The following KCNJ3 variants were observed in gnomAD, a reference collection of about 807,000 sequenced individuals.
KCNJ3 encodes G protein-activated inward rectifier potassium channel 1.
KCNJ3 carries 4 observed loss-of-function variants against 39.2 expected under a neutral mutation model. That is an observed-to-expected ratio of 0.10 (90% confidence interval 0.05 to 0.23). The LOEUF is 0.23. Ranked by LOEUF, KCNJ3 falls within the 10% of genes least tolerant of loss-of-function variation. The probability of loss-of-function intolerance (pLI) is 1.00; values close to 1 mark genes in which losing one functional copy is unlikely to be tolerated. For synonymous variants in KCNJ3, 230 were observed against 237.4 expected (o/e 0.97, Z 0.29); for missense variants, 276 against 634.9 (o/e 0.43, Z 6.08).
chr2:154,717,270 G>A (rs116080468), intron 2 of KCNJ3, among the ~76,000 whole-genome samples: 2,626 of 152,250 alleles, frequency 0.017, 68 homozygotes, highest in African/African-American at 0.06. Flanking sequence ...ACTGACTGGA[G>A]ATGAGCCTAG....
At chr2:154,786,260 T>C (rs929704674) in intron 2 of KCNJ3, among the ~76,000 whole-genome samples, 1 of 152,220 alleles carries the variant, frequency 6.6e-6, no homozygotes, top group Non-Finnish European at 1.5e-5. Flanking sequence ...AGTGTATTTC[T>C]AACGAAAATT....
chr2:154,824,103 G>A (rs754291732), intron 2 of KCNJ3, among the ~76,000 whole-genome samples: 13 of 152,144 alleles, frequency 8.5e-5, no homozygotes, highest in Non-Finnish European at 1.5e-4. Context: ...GGAAGGCCGA[G>A]GTGGATGGAT....
At chr2:154,839,920 T>C (rs1687546130) in intron 2 of KCNJ3, among the ~76,000 whole-genome samples, 1 of 152,228 alleles carries the variant, frequency 6.6e-6, no homozygotes, top group African/African-American at 2.4e-5. Flanking sequence ...TCTTTTGCTG[T>C]GCAGAAGCTC....
chr2:154,722,595 C>T (rs1010783666), intron 2 of KCNJ3, among the ~76,000 whole-genome samples: 6 of 152,204 alleles, frequency 3.9e-5, no homozygotes, highest in East Asian at 3.9e-4. Flanking sequence ...GGCTGGAAAA[C>T]GTAGCACTTT....
chr2:154,730,130 C>T (rs1685426632), intron 2 of KCNJ3, among the ~76,000 whole-genome samples: 1 of 152,028 alleles, frequency 6.6e-6, no homozygotes, highest in Non-Finnish European at 1.5e-5. Context: ...AATGATGCAA[C>T]TAAGGACCAA....
rs775178008 is a variant in KCNJ3 at position 154,709,594 on chromosome 2, C to G, written c.703-9C>G. ...GTGATTTCTTCTCTTTTTCTGTGTG[C>G]TTGTCTAGTCTCGGCAGACACCTGA... is the stretch of plus-strand genomic sequence containing the variant. On this transcript the variant is annotated splice_polypyrimidine_tract_variant and intron_variant, in intron 1 of 2. Coordinates refer to ENST00000295101, the MANE Select transcript of KCNJ3 (RefSeq NM_002239.4). The G allele has an allele frequency of 6.2e-7, 1 of 1,610,866 alleles. No individual in the cohort carries two copies. The highest frequency in any genetic ancestry group is 8.5e-7 in the Non-Finnish European group (1 of 1,178,218).
At chr2:154,730,904 A>T (rs1320742932) in intron 2 of KCNJ3, among the ~76,000 whole-genome samples, 1 of 152,166 alleles carries the variant, frequency 6.6e-6, no homozygotes, top group African/African-American at 2.4e-5. Flanking sequence ...TGGTGAAATA[A>T]ACCTACCAAA....
chr2:154,796,522 T>G (rs1216544186), intron 2 of KCNJ3, among the ~76,000 whole-genome samples: 1 of 152,140 alleles, frequency 6.6e-6, no homozygotes, highest in Non-Finnish European at 1.5e-5. Context: ...CAGTTGAGGA[T>G]CCTGGGTCAT....
chr2:154,828,306 A>G (rs923162227), intron 2 of KCNJ3, among the ~76,000 whole-genome samples: 1 of 152,190 alleles, frequency 6.6e-6, no homozygotes, highest in Non-Finnish European at 1.5e-5. Context: ...ACAGATATTA[A>G]AAGCTTTAGA....
intron 2 of KCNJ3, among the ~76,000 whole-genome samples, chr2:154,814,482 A>C (rs942858577): frequency 6.6e-6 from 1 of 152,060 alleles, no homozygotes; most frequent in African/African-American, 2.4e-5. Flanking sequence ...TACTAAAAAT[A>C]CAAAATTACC....
intron 2 of KCNJ3, among the ~76,000 whole-genome samples, chr2:154,745,743 T>C (rs1685729004): frequency 6.6e-6 from 1 of 152,076 alleles, no homozygotes; most frequent in African/African-American, 2.4e-5. Context: ...CTAGAGATTT[T>C]CAGTTGAAAC....
At chr2:154,820,656 C>T (rs190407374) in intron 2 of KCNJ3, among the ~76,000 whole-genome samples, 2 of 152,226 alleles carry the variant, frequency 1.3e-5, no homozygotes, top group Admixed American at 1.3e-4. Flanking sequence ...AGTTTGCAAA[C>T]CTGGCAGTTA....
Position 154,727,198 on chromosome 2 carries a change from G to C in KCNJ3, c.919+17379G>C, listed in dbSNP as rs183230705. On this transcript the variant is annotated intron_variant, in intron 2 of 2. Transcript: ENST00000295101. ...AATTTAAAAAACTTCTATTTTACTA[G>C]TTCTTAACAATACTTTTAACTTTCC... 2.3e-3 allele frequency among the ~76,000 whole-genome samples: 347 copies of C among 152,160 alleles called. 2 individuals carry two copies. The highest frequency in any genetic ancestry group is 8.0e-3 in the African/African-American group (330 of 41,508).
intron 2 of KCNJ3, among the ~76,000 whole-genome samples, chr2:154,738,506 A>G (rs1192991439): frequency 6.6e-6 from 1 of 152,046 alleles, no homozygotes; most frequent in Non-Finnish European, 1.5e-5. Flanking sequence ...ATTGAATCCT[A>G]TATCAAAACA....
intron 2 of KCNJ3, among the ~76,000 whole-genome samples, chr2:154,814,984 G>A (rs1339429498): frequency 1.3e-5 from 2 of 152,196 alleles, no homozygotes; most frequent in Non-Finnish European, 2.9e-5. Flanking sequence ...ACAACTGTAA[G>A]TAGGTAAGAC....
chr2:154,825,733 C>T (rs1687260380), intron 2 of KCNJ3, among the ~76,000 whole-genome samples: 1 of 151,612 alleles, frequency 6.6e-6, no homozygotes. Context: ...TGCGCCACCA[C>T]ACCCAGCTAA....
At chr2:154,777,388 G>A (rs1480614261) in intron 2 of KCNJ3, among the ~76,000 whole-genome samples, 2 of 152,082 alleles carry the variant, frequency 1.3e-5, no homozygotes, top group African/African-American at 4.8e-5. Flanking sequence ...CATTTATTGG[G>A]TTAGCCAGGT....
chr2:154,773,214 T>C (rs984958971), intron 2 of KCNJ3, among the ~76,000 whole-genome samples: 1 of 152,126 alleles, frequency 6.6e-6, no homozygotes, highest in African/African-American at 2.4e-5. Flanking sequence ...CTGCTTTTAA[T>C]GTGTAAGCAT....
At position 154,816,971 on chromosome 2, in the gene KCNJ3, A is replaced by G. The variant is rs145732812; in HGVS notation, c.920-37756A>G. Reference sequence around the variant, plus strand: ...CCCTGTGAGTAATTTTAAATAGTTTATGACTTTATTTTTCTTCTTCTGGCA... The same window carrying G: ...CCCTGTGAGTAATTTTAAATAGTTTGTGACTTTATTTTTCTTCTTCTGGCA... On this transcript the variant is annotated intron_variant, in intron 2 of 2. Transcript: ENST00000295101. 2.9e-3 allele frequency among the ~76,000 whole-genome samples: 447 copies of G among 152,238 alleles called. 4 individuals are homozygous for G. Among genetic ancestry groups the G allele is most frequent in the African/African-American group, 0.01 (433 of 41,560 alleles).
Sources: gnomAD v4.1 joint callset for allele counts (sites outside exome capture counted in the v4.1 genomes callset) on GRCh38, gnomAD v4.1.1 for gene constraint, MANE v1.5 for transcripts, NCBI Gene and HGNC (gene_info 2026-07-23, HGNC 2026-07-21) for gene names.